Variants in ZIM2 observed in about 807,000 individuals in gnomAD.
ZIM2 encodes the protein zinc finger protein 656.
ZIM2 carries 14 observed loss-of-function variants against 38.6 expected under a neutral mutation model. That is an observed-to-expected ratio of 0.36 (90% CI 0.24 to 0.57). The LOEUF is 0.57. Among genes scored for constraint, ZIM2 ranks in the 20% least tolerant of loss-of-function variants. ZIM2 has a pLI of 0.81. For synonymous variants in ZIM2, 247 were observed against 245.8 expected (o/e 1.00, Z -0.04); for missense variants, 680 against 695.1 (o/e 0.98, Z 0.24).
chr19:56,837,264 C>T lies in ZIM2; in HGVS notation c.-313-1160G>A, dbSNP rs576696840. ...ATGGGGCAGCCCCTTTAAACACACC[C>T]CCACCTGCCCAGGGCAGCCTCCTAG... is the stretch of plus-strand genomic sequence containing the variant. On this transcript the variant is annotated intron_variant, in intron 1 of 12. Transcript: ENST00000629319. Among the ~76,000 whole-genome samples, 22 of 152,106 alleles carry T rather than the reference C, an allele frequency of 1.4e-4. No homozygotes were observed. In the South Asian group the frequency reaches 1.7e-3, roughly 11 times the overall value.
chr19:56,829,201 A>G (rs1438191640), intron 2 of ZIM2, among the ~76,000 whole-genome samples: 1 of 152,098 alleles, frequency 6.6e-6, no homozygotes, highest in Non-Finnish European at 1.5e-5. Flanking sequence ...AAATACAAAA[A>G]TTAGCTGGGC....
chr19:56,781,271 G>A (rs973936465), intron 11 of ZIM2, among the ~76,000 whole-genome samples: 1 of 152,042 alleles, frequency 6.6e-6, no homozygotes, highest in Admixed American at 6.6e-5. Context: ...TTTTTCAGGA[G>A]ACCTCAAGCC....
At chr19:56,811,307 T>A in intron 9 of ZIM2, 1 of 907,410 alleles carries the variant, frequency 1.1e-6, no homozygotes, top group Non-Finnish European at 1.3e-6. Context: ...TAAACAGTTA[T>A]AATGAACTGT....
chr19:56,827,816 C>T (rs1198066221), intron 2 of ZIM2, among the ~76,000 whole-genome samples: 1 of 152,064 alleles, frequency 6.6e-6, no homozygotes, highest in South Asian at 2.1e-4. Context: ...CAAAACCGGA[C>T]ACAGCACTGT....
intron 12 of ZIM2, among the ~76,000 whole-genome samples, chr19:56,777,990 C>G (rs538494603): frequency 6.6e-6 from 1 of 152,234 alleles, no homozygotes; most frequent in Non-Finnish European, 1.5e-5. Context: ...TTCGCTCTGC[C>G]TGTAACACTC....
chr19:56,810,011 G>T, intron 9 of ZIM2: 1 of 346,142 alleles, frequency 2.9e-6, no homozygotes, highest in Non-Finnish European at 4.1e-6. Flanking sequence ...TAAGCTTTTG[G>T]ATTTATAACT....
At chr19:56,823,738 C>T (rs2060736432) in intron 4 of ZIM2, 59 bp from the exon 5 acceptor site, 1 of 1,587,686 alleles carries the variant, frequency 6.3e-7, no homozygotes, top group African/African-American at 1.3e-5. Context: ...CAATAGTTCC[C>T]CCCAATCCCT....
At chr19:56,813,726 G>A (rs932370950) in intron 9 of ZIM2, 2 of 1,614,016 alleles carry the variant, frequency 1.2e-6, no homozygotes, top group Non-Finnish European at 1.7e-6. Flanking sequence ...GGTCATTGAA[G>A]AGCTGCCCAC....
intron 9 of ZIM2, chr19:56,799,398 T>G (rs575836891): frequency 1.3e-5 from 2 of 152,232 alleles, no homozygotes; most frequent in South Asian, 4.1e-4. Context: ...AGCTGAATGA[T>G]GAGAACACAT....
At chr19:56,780,055 G>A (rs1208018408) in intron 11 of ZIM2, among the ~76,000 whole-genome samples, 1 of 152,082 alleles carries the variant, frequency 6.6e-6, no homozygotes, top group Non-Finnish European at 1.5e-5. Flanking sequence ...ATGAGAAGGG[G>A]AAATGTCATC....
At chr19:56,828,522 C>T (rs1296534715) in intron 2 of ZIM2, among the ~76,000 whole-genome samples, 3 of 152,158 alleles carry the variant, frequency 2.0e-5, no homozygotes, top group African/African-American at 4.8e-5. Flanking sequence ...CAAACAAATG[C>T]TCAAGCGTAA....
At chr19:56,820,308 T>C (rs1207456315) in intron 7 of ZIM2, among the ~76,000 whole-genome samples, 2 of 152,220 alleles carry the variant, frequency 1.3e-5, no homozygotes, top group Non-Finnish European at 2.9e-5. Flanking sequence ...AAAATGTAAT[T>C]TGTGTCATTT....
chr19:56,827,956 AG>A (rs1209771891), intron 2 of ZIM2, among the ~76,000 whole-genome samples: 1 of 152,216 alleles, frequency 6.6e-6, no homozygotes, highest in Admixed American at 6.5e-5. Flanking sequence ...CAGGAAAGGG[AG>A]GGCAACTTAC....
intron 9 of ZIM2, among the ~76,000 whole-genome samples, chr19:56,792,397 G>A (rs192150174): frequency 4.1e-4 from 62 of 151,600 alleles, no homozygotes; most frequent in East Asian, 3.3e-3. Flanking sequence ...CAGGCGTGGT[G>A]GTGGGCCCCT....
At chr19:56,813,069 G>A in intron 9 of ZIM2, 2 of 985,260 alleles carry the variant, frequency 2.0e-6, no homozygotes, top group Non-Finnish European at 2.4e-6. Context: ...AGCTTCACAA[G>A]ACTATTTAAG....
rs149003066 is a variant in ZIM2, at chr19:56,775,067, C to T, written c.1298G>A (p.Arg433His). The part of the protein sequence containing the change: ...PSVQCANLCE[R>H]VRIHSQEDYF... ...GTCCTCCTGACTGTGAATTCTTACA[C>T]GTTCACAGAGATTCGCACACTGGAC... The change falls in exon 13 of 13, where the codon CGT becomes CAT. Residue 433 changes from arginine (R) to histidine (H), a missense_variant. Coordinates refer to ENST00000629319, the MANE Select transcript of ZIM2 (RefSeq NM_001387356.1). 1.2e-3 allele frequency: 2,013 copies of T among 1,614,128 alleles called. 10 individuals carry two copies. The African/African-American group carries it at 0.023, about 18-fold the overall frequency.
intron 1 of ZIM2, among the ~76,000 whole-genome samples, chr19:56,836,528 T>C (rs552613996): frequency 4.9e-4 from 74 of 152,320 alleles, no homozygotes; most frequent in South Asian, 4.3e-3. Flanking sequence ...AGTGGACTAA[T>C]AGGACATAGT....
At position 56,775,010 on chromosome 19, in the gene ZIM2, A is replaced by T; in HGVS notation, c.1355T>A (p.Phe452Tyr). ...TTGAAGAAGATGCACATTCTGGAGA[A>T]AAGCTTTGCCGCACTGAAAACATTC... ...YFECFQCGKA[F>Y]LQNVHLLQHL... is the part of the protein sequence containing the mutation. The change falls in exon 13 of 13, where the codon TTT becomes TAT. Residue 452 changes from phenylalanine to tyrosine, a missense_variant. Physicochemically the swap from Phe to Tyr is conservative, Grantham distance 22. Coordinates refer to ENST00000629319, the MANE Select transcript of ZIM2 (RefSeq NM_001387356.1). 1 of 1,614,168 alleles carries T rather than the reference A, an allele frequency of 6.2e-7. No homozygotes were observed. The highest frequency in any genetic ancestry group is 1.1e-5 in the South Asian group (1 of 91,072).
intron 1 of ZIM2, among the ~76,000 whole-genome samples, chr19:56,839,893 C>T (rs1397129475): frequency 6.6e-6 from 1 of 152,270 alleles, no homozygotes; most frequent in Non-Finnish European, 1.5e-5. Context: ...CCATCTGCCG[C>T]CAACCAACCA....
Sources: gnomAD v4.1 joint callset for allele counts (sites outside exome capture counted in the v4.1 genomes callset) on GRCh38, gnomAD v4.1.1 for gene constraint, MANE v1.5 for transcripts, NCBI Gene and HGNC (gene_info 2026-07-23, HGNC 2026-07-21) for gene names.